CTNNA3: variants seen among roughly 807,000 people sequenced by gnomAD.
The protein encoded by CTNNA3 is catenin alpha 3.
In CTNNA3, 76 loss-of-function variants were observed where a neutral mutation model predicts 95.7. The ratio of observed to expected loss-of-function variants is 0.79; its 90% CI spans 0.66 to 0.96. The LOEUF (loss-of-function observed/expected upper bound fraction) is 0.96. CTNNA3 is among the 40% of genes least tolerant of loss of function. The pLI is 0.00. For missense variants in CTNNA3, 1,191 were observed against 1,089.8 expected (o/e 1.09, Z -1.31); for synonymous variants, 431 against 374.4 (o/e 1.15, Z -1.74).
intron 2 of CTNNA3, among the ~76,000 whole-genome samples, chr10:67,628,665 G>C (rs200563442): frequency 3.9e-5 from 6 of 151,982 alleles, no homozygotes; most frequent in Admixed American, 3.9e-4. Context: ...TGGCTATCTT[G>C]TTAGTATGTG....
chr10:66,025,961 G>A lies in CTNNA3; in HGVS notation c.2160-37164C>T, dbSNP rs1019069716. 7.2e-5 allele frequency among the ~76,000 whole-genome samples: 11 copies of A among 152,054 alleles called. 1 individual carries two copies. The highest frequency in any genetic ancestry group is 2.6e-4 in the Admixed American group (4 of 15,272). The stretch of plus-strand genomic sequence containing the variant: ...CACACACACTCACATGTGCACACAC[G>A]CACACTCAAGCTAAAAATCAAAATG... On this transcript the variant is annotated intron_variant, in intron 15 of 17. Coordinates refer to ENST00000433211, the MANE Select transcript of CTNNA3 (RefSeq NM_013266.4).
chr10:66,752,094 G>T (rs1042356390), intron 9 of CTNNA3, among the ~76,000 whole-genome samples: 2 of 151,946 alleles, frequency 1.3e-5, no homozygotes, highest in South Asian at 2.1e-4. Context: ...GTACTGATAG[G>T]CTTATACTAA....
chr10:67,493,922 G>A (rs540937746), intron 5 of CTNNA3, among the ~76,000 whole-genome samples: 2 of 152,166 alleles, frequency 1.3e-5, no homozygotes, highest in South Asian at 4.1e-4. Flanking sequence ...AACTTTAACA[G>A]GTTAATATGC....
chr10:67,557,575 A>G (rs1841303880), intron 3 of CTNNA3, among the ~76,000 whole-genome samples: 1 of 152,216 alleles, frequency 6.6e-6, no homozygotes, highest in African/African-American at 2.4e-5. Flanking sequence ...TCTTAGCTTC[A>G]TGATCTTAGT....
intron 14 of CTNNA3, among the ~76,000 whole-genome samples, chr10:66,095,015 G>A (rs1267585007): frequency 1.3e-5 from 2 of 152,152 alleles, no homozygotes; most frequent in Non-Finnish European, 1.5e-5. Context: ...AGTGGATTAA[G>A]GTGGTGCATT....
At chr10:66,708,887 G>A (rs1192805178) in intron 9 of CTNNA3, among the ~76,000 whole-genome samples, 1 of 152,036 alleles carries the variant, frequency 6.6e-6, no homozygotes, top group Non-Finnish European at 1.5e-5. Flanking sequence ...TGTGTGGTGG[G>A]ATAATAATTT....
intron 12 of CTNNA3, among the ~76,000 whole-genome samples, chr10:66,294,501 T>C (rs777841753): frequency 1.3e-5 from 2 of 152,204 alleles, no homozygotes; most frequent in Non-Finnish European, 2.9e-5. Flanking sequence ...ATCATTGCTC[T>C]ACATTATGAA....
At chr10:67,029,767 T>C (rs1460329815) in intron 7 of CTNNA3, among the ~76,000 whole-genome samples, 2 of 152,220 alleles carry the variant, frequency 1.3e-5, no homozygotes, top group Admixed American at 1.3e-4. Context: ...AATCAATACC[T>C]GTGATGTCCA....
At chr10:65,925,422 C>T (rs1199350223) in intron 17 of CTNNA3, among the ~76,000 whole-genome samples, 1 of 151,910 alleles carries the variant, frequency 6.6e-6, no homozygotes, top group Non-Finnish European at 1.5e-5. Flanking sequence ...CATTTAATAA[C>T]TTCTTTCTTC....
intron 9 of CTNNA3, among the ~76,000 whole-genome samples, chr10:66,695,058 C>A (rs1374874876): frequency 6.6e-6 from 1 of 152,192 alleles, no homozygotes; most frequent in African/African-American, 2.4e-5. Flanking sequence ...AGCTCGATGG[C>A]ACCTAAAGGA....
rs923946743 is a variant in CTNNA3, at chr10:66,789,468, C to T, written c.1048-13944G>A. 7.2e-5 allele frequency among the ~76,000 whole-genome samples: 11 copies of T among 152,132 alleles called. No individual in the cohort carries two copies. In the East Asian group the frequency reaches 2.1e-3, roughly 29 times the overall value. ...GGGATTACAGGTGTGAGCCACTGTG[C>T]GCGGCCACCTTTGTTCTTATCAAAA... On this transcript the variant is annotated intron_variant, in intron 7 of 17. Transcript: ENST00000433211.
chr10:66,775,724 T>A (rs936617892), intron 7 of CTNNA3, among the ~76,000 whole-genome samples, 200 bp from the exon 8 acceptor site: 3 of 152,210 alleles, frequency 2.0e-5, no homozygotes, highest in Non-Finnish European at 4.4e-5. Context: ...TTCATCTTTA[T>A]GCTTCTGTAA....
intron 16 of CTNNA3, among the ~76,000 whole-genome samples, chr10:65,975,436 G>A (rs1395810823): frequency 6.6e-6 from 1 of 152,016 alleles, no homozygotes; most frequent in African/African-American, 2.4e-5. Context: ...CAGAGACAGA[G>A]GAGGAAGAAC....
intron 11 of CTNNA3, among the ~76,000 whole-genome samples, chr10:66,504,724 C>T (rs956139094): frequency 6.6e-6 from 1 of 152,148 alleles, no homozygotes; most frequent in Non-Finnish European, 1.5e-5. Flanking sequence ...AGTTGAGATA[C>T]ACCCCTAAAT....
chr10:66,314,319 T>C (rs188313652), intron 12 of CTNNA3, among the ~76,000 whole-genome samples: 141 of 152,328 alleles, frequency 9.3e-4, no homozygotes, highest in Admixed American at 3.7e-3. Context: ...GGTTGCCAAA[T>C]GTATCTTTTT....
intron 17 of CTNNA3, among the ~76,000 whole-genome samples, chr10:65,937,719 TAAAAC>T (rs1434613698): frequency 1.3e-5 from 2 of 152,170 alleles, no homozygotes; most frequent in African/African-American, 4.8e-5. Flanking sequence ...AAAATGAATA[TAAAAC>T]AAAAGATGTA....
intron 11 of CTNNA3, among the ~76,000 whole-genome samples, chr10:66,396,146 C>T (rs1171931399): frequency 1.3e-5 from 2 of 151,876 alleles, no homozygotes; most frequent in African/African-American, 4.8e-5. Flanking sequence ...CATAGTATTC[C>T]ATGCATATAC....
intron 1 of CTNNA3, among the ~76,000 whole-genome samples, chr10:67,761,362 T>G (rs113091906): frequency 6.6e-6 from 1 of 152,308 alleles, no homozygotes; most frequent in African/African-American, 2.4e-5. Flanking sequence ...TAAACTTCTA[T>G]GATTTTATAA....
chr10:67,155,613 T>C (rs1861280262), intron 7 of CTNNA3, among the ~76,000 whole-genome samples: 1 of 152,086 alleles, frequency 6.6e-6, no homozygotes, highest in Non-Finnish European at 1.5e-5. Flanking sequence ...ATATGTTGTT[T>C]ATTCATTTTA....
Sources: allele counts gnomAD v4.1 joint callset (sites outside exome capture counted in the v4.1 genomes callset), GRCh38; gene constraint gnomAD v4.1.1; transcripts MANE v1.5; gene names NCBI Gene and HGNC (gene_info 2026-07-23, HGNC 2026-07-21).